AAK1: variants seen among roughly 807,000 people sequenced by gnomAD.
AAK1 encodes AP2 associated kinase 1.
In AAK1, 37 loss-of-function variants were observed where a neutral mutation model predicts 116.0. The ratio of observed to expected loss-of-function variants is 0.32; its 90% CI spans 0.25 to 0.42. The LOEUF (loss-of-function observed/expected upper bound fraction) is 0.42. AAK1 is among the 10% of genes least tolerant of loss of function. AAK1 has a pLI of 1.00. For missense variants in AAK1, 919 were observed against 1,170.6 expected, an observed-to-expected ratio of 0.79 and a Z score of 3.14; for synonymous variants, 458 against 439.9, an observed-to-expected ratio of 1.04 and a Z score of -0.51.
intron 14 of AAK1, among the ~76,000 whole-genome samples, chr2:69,508,225 A>G (rs944150656): frequency 1.3e-5 from 2 of 152,228 alleles, no homozygotes; most frequent in African/African-American, 4.8e-5. Context: ...GGTGACCACC[A>G]TAACATCCAC....
chr2:69,601,026 T>C (rs1384274260), intron 2 of AAK1, among the ~76,000 whole-genome samples: 1 of 152,236 alleles, frequency 6.6e-6, no homozygotes, highest in Admixed American at 6.5e-5. Context: ...TTCAGGTATG[T>C]ACATTTTTTA....
intron 21 of AAK1, 71 bp downstream of exon 21, chr2:69,476,809 A>G: frequency 9.7e-7 from 1 of 1,034,228 alleles, no homozygotes; most frequent in South Asian, 1.4e-5. Flanking sequence ...TCCCCCTTGC[A>G]GATTAGGTGC....
chr2:69,459,515 C>T lies in AAK1; in HGVS notation c.*16354G>A, dbSNP rs1386572467. ...ATGAGCTCAAGCGATCGGCCCAACA[C>T]AGCCTCCCAGAGTGCTGGGATTCCA... On this transcript the variant is annotated 3_prime_UTR_variant, in exon 22 of 22. Transcript: ENST00000409085. The T allele has an allele frequency of 2.0e-5, 3 of 152,230 alleles. No individual in the cohort carries two copies. The highest frequency in any genetic ancestry group is 4.4e-5 in the Non-Finnish European group (3 of 68,066). The allele number at this position is 152,230 out of a possible 1,614,324, so 9.4% of individuals were successfully genotyped here.
chr2:69,630,906 C>A (rs984067972), intron 2 of AAK1, among the ~76,000 whole-genome samples: 35 of 152,328 alleles, frequency 2.3e-4, no homozygotes, highest in African/African-American at 7.9e-4. Context: ...AGTGCTGCCC[C>A]CTTCCCCTCC....
intron 17 of AAK1, among the ~76,000 whole-genome samples, chr2:69,487,192 A>C (rs1675330883): frequency 6.6e-6 from 1 of 152,210 alleles, no homozygotes; most frequent in South Asian, 2.1e-4. Context: ...TGGTCATTGT[A>C]AATGAAGAAC....
At chr2:69,499,808 C>A (rs1675902405) in intron 16 of AAK1, 1 of 152,102 alleles carries the variant, frequency 6.6e-6, no homozygotes, top group Non-Finnish European at 1.5e-5. Context: ...AATTTATATG[C>A]AGAAATAAAA....
At chr2:69,504,907 C>T (rs1267163948) in intron 16 of AAK1, among the ~76,000 whole-genome samples, 3 of 152,122 alleles carry the variant, frequency 2.0e-5, no homozygotes, top group African/African-American at 4.8e-5. Context: ...ATCTCTTGGT[C>T]GTGAGGTCAT....
At chr2:69,524,935 G>A in intron 10 of AAK1, 98 bp downstream of exon 10, 2 of 1,200,720 alleles carry the variant, frequency 1.7e-6, no homozygotes, top group Non-Finnish European at 1.2e-6. Context: ...TGCAGCCCCT[G>A]GTCATGACAG....
chr2:69,519,649 G>A (rs1482133465), intron 11 of AAK1, among the ~76,000 whole-genome samples: 3 of 152,168 alleles, frequency 2.0e-5, no homozygotes, highest in Non-Finnish European at 4.4e-5. Context: ...GTCTGGATGC[G>A]TGGCTATAAG....
At chr2:69,610,748 A>G (rs1674042527) in intron 2 of AAK1, among the ~76,000 whole-genome samples, 1 of 152,254 alleles carries the variant, frequency 6.6e-6, no homozygotes, top group African/African-American at 2.4e-5. Flanking sequence ...ACAGCTAATA[A>G]TAAGCACAGG....
At chr2:69,587,016 T>C (rs895143743) in intron 2 of AAK1, among the ~76,000 whole-genome samples, 3 of 152,146 alleles carry the variant, frequency 2.0e-5, no homozygotes, top group African/African-American at 7.2e-5. Flanking sequence ...CCATATCTTC[T>C]GCCTTTCTGC....
At position 69,556,846 on chromosome 2, in the gene AAK1, A is replaced by C. The variant is rs1354423854; in HGVS notation, c.282+14T>G. 3 of 1,591,722 alleles carry C rather than the reference A, an allele frequency of 1.9e-6. No homozygotes were observed. The highest frequency in any genetic ancestry group is 1.7e-5 in the Admixed American group (1 of 59,900). On this transcript the variant is annotated intron_variant, in intron 3 of 21. Transcript: ENST00000409085. ...TCCATTTTAAACAGTCCCAAGTCCA[A>C]GGGGCAGCCTTACCATTATCTGGAT...
At chr2:69,481,337 G>C (rs1675079997) in intron 18 of AAK1, 1 of 155,090 alleles carries the variant, frequency 6.4e-6, no homozygotes, top group Non-Finnish European at 1.4e-5. Context: ...AACAAATTCA[G>C]AACATAAGCC....
At chr2:69,536,539 A>G (rs1670482252) in intron 5 of AAK1, among the ~76,000 whole-genome samples, 1 of 152,204 alleles carries the variant, frequency 6.6e-6, no homozygotes, top group Admixed American at 6.5e-5. Flanking sequence ...GAGAATTTGC[A>G]TAGGGACTTT....
Position 69,496,048 on chromosome 2 carries a change from A to T in AAK1, c.2302T>A (p.Ser768Thr). Reference protein sequence around the residue: ...EKRKGGQTVDSGLPLLSVSDP... With the variant: ...EKRKGGQTVDTGLPLLSVSDP... ...GACACGCTTAGAAGCGGGAGGCCAGAGTCCACAGTCTGCCCACCCTTCCTT... is the reference window on the plus strand; with the variant it reads ...GACACGCTTAGAAGCGGGAGGCCAGTGTCCACAGTCTGCCCACCCTTCCTT... The change falls in exon 17 of 22, where the codon TCT becomes ACT. Residue 768 changes from serine to threonine, a missense_variant. By Grantham distance (58) the Ser-to-Thr change is moderately conservative. Coordinates refer to ENST00000409085, the MANE Select transcript of AAK1 (RefSeq NM_014911.5). The T allele has an allele frequency of 6.4e-7, 1 of 1,555,782 alleles. No homozygotes were observed. Among genetic ancestry groups the T allele is most frequent in the Non-Finnish European group, 8.7e-7 (1 of 1,149,320 alleles).
chr2:69,490,317 A>T (rs1242919760), intron 17 of AAK1, among the ~76,000 whole-genome samples: 1 of 152,176 alleles, frequency 6.6e-6, no homozygotes. Flanking sequence ...GTATATACCC[A>T]AGAGAATTGA....
At chr2:69,491,287 C>A (rs1164442501) in intron 17 of AAK1, among the ~76,000 whole-genome samples, 1 of 152,046 alleles carries the variant, frequency 6.6e-6, no homozygotes, top group East Asian at 1.9e-4. Flanking sequence ...TATAGCTTAT[C>A]TGTTTCCTAA....
chr2:69,566,801 G>C (rs1173498178), intron 2 of AAK1, among the ~76,000 whole-genome samples: 1 of 152,148 alleles, frequency 6.6e-6, no homozygotes, highest in Admixed American at 6.5e-5. Context: ...GAGACTTTTT[G>C]ATTACTGCAC....
chr2:69,635,146 T>C (rs1032907795), intron 2 of AAK1, among the ~76,000 whole-genome samples: 4 of 152,168 alleles, frequency 2.6e-5, no homozygotes, highest in African/African-American at 9.7e-5. Context: ...AGGACTTAAA[T>C]AGACATTTTC....
Sources: gnomAD v4.1 joint callset for allele counts (sites outside exome capture counted in the v4.1 genomes callset) on GRCh38, gnomAD v4.1.1 for gene constraint, MANE v1.5 for transcripts, NCBI Gene and HGNC (gene_info 2026-07-23, HGNC 2026-07-21) for gene names.